The following TTN variants were observed in gnomAD, a reference collection of about 807,000 sequenced individuals.
TTN encodes titin, also known as connectin.
A neutral mutation model predicts 3,223.0 loss-of-function variants in TTN; 1,525 were observed. The observed-to-expected ratio is 0.47, with a 90% CI of 0.45 to 0.49. The LOEUF (loss-of-function observed/expected upper bound fraction) is 0.49, where lower values mean the gene tolerates loss of function less well. Ranked by LOEUF, TTN falls within the 20% of genes least tolerant of loss-of-function variation. TTN has a pLI of 0.00. For missense variants in TTN, 40,786 were observed against 43,424.0 expected, an observed-to-expected ratio of 0.94 and a Z score of 5.40; for synonymous variants, 14,094 against 15,161.0, an observed-to-expected ratio of 0.93 and a Z score of 5.17.
chr2:178,756,701 T>C lies in TTN; in HGVS notation c.10775A>G (p.Lys3592Arg). The C allele has an allele frequency of 1.9e-6, 3 of 1,613,862 alleles. No homozygotes were observed. The highest frequency in any genetic ancestry group is 2.5e-6 in the Non-Finnish European group (3 of 1,179,824). The change falls in exon 46 of 363, where the codon AAA becomes AGA. Residue 3592 changes from lysine to arginine, a missense_variant. Coordinates refer to ENST00000589042, the MANE Select transcript of TTN (RefSeq NM_001267550.2). Reference protein sequence around the residue: ...ADSSFTKEESKISQKEIKSFQ... With the variant: ...ADSSFTKEESRISQKEIKSFQ... The stretch of plus-strand genomic sequence containing the variant: ...TGACTTAATTTCCTTTTGAGATATT[T>C]TGCTCTCCTCCTTTGTGAAAGAGGA...
intron 81 of TTN, 42 bp downstream of exon 81, chr2:178,719,941 C>T: frequency 6.5e-7 from 1 of 1,548,992 alleles, no homozygotes; most frequent in Middle Eastern, 1.7e-4. Flanking sequence ...GATCATGGAT[C>T]AAGTAAATTG....
Position 178,711,888 on chromosome 2 carries a change from T to C in TTN, c.27886+56A>G, listed in dbSNP as rs544151780. On this transcript the variant is annotated intron_variant, in intron 96 of 362. Transcript: ENST00000589042. ...TAAAAAATAGGCCTCCCCAGACATTTTAAATCTTGTTCAAAAGAAACACAA... is the reference window on the plus strand; with the variant it reads ...TAAAAAATAGGCCTCCCCAGACATTCTAAATCTTGTTCAAAAGAAACACAA... 1.7e-3 allele frequency: 2,645 copies of C among 1,517,614 alleles called. 6 individuals carry two copies. Among genetic ancestry groups the C allele is most frequent in the Non-Finnish European group, 2.2e-3 (2,456 of 1,135,218 alleles). 94.0% of individuals were successfully genotyped at this position (1,517,614 alleles called of 1,614,324 possible).
intron 217 of TTN, 163 bp from the exon 218 acceptor site, chr2:178,644,779 T>A: frequency 1.9e-6 from 1 of 516,198 alleles, no homozygotes. Flanking sequence ...ATTCGAACCA[T>A]GAAAACAGAC....
chr2:178,585,912 G>A (rs2048843207), intron 308 of TTN, among the ~76,000 whole-genome samples: 1 of 152,062 alleles, frequency 6.6e-6, no homozygotes, highest in African/African-American at 2.4e-5. Context: ...ACATGTGCAT[G>A]TGTCTTTATA....
chr2:178,534,931 A>G lies in TTN; in HGVS notation c.101684T>C (p.Ile33895Thr), dbSNP rs1575286728. Residue 33895 changes from isoleucine (I) to threonine (T), a missense_variant, in exon 358 of 363, where the codon ATA (isoleucine) becomes ACA (threonine). By Grantham distance (89) the Ile-to-Thr change is moderately conservative. Coordinates refer to ENST00000589042, the MANE Select transcript of TTN (RefSeq NM_001267550.2). The part of the protein sequence containing the change: ...MEELVMIFEF[I>T]SGLDIFERIN... ...GCGCTCAAATATGTCAAGTCCTGAT[A>G]TAAACTCAAAGATCATAACTAATTC... 5 of 1,611,740 alleles carry G rather than the reference A, an allele frequency of 3.1e-6. No homozygotes were observed. Among genetic ancestry groups the G allele is most frequent in the East Asian group, 2.2e-5 (1 of 44,870 alleles).
At chr2:178,804,761 G>A (rs2094234446) in intron 1 of TTN, 106 bp from the exon 2 acceptor site, 1 of 988,090 alleles carries the variant, frequency 1.0e-6, no homozygotes, top group Non-Finnish European at 1.6e-6. Context: ...TTGCTCCATA[G>A]GTCATCTGTG....
In TTN at chr2:178,534,356, T is replaced by C; in HGVS notation, c.102259A>G (p.Thr34087Ala). The C allele has an allele frequency of 6.2e-7, 1 of 1,611,800 alleles. No individual in the cohort carries two copies. The highest frequency in any genetic ancestry group is 1.3e-5 in the African/African-American group (1 of 75,048). The change falls in exon 358 of 363, where the codon ACA becomes GCA. Residue 34087 changes from threonine to alanine, a missense_variant. By Grantham distance (58) the Thr-to-Ala change is moderately conservative (BLOSUM62 0). Coordinates refer to ENST00000589042, the MANE Select transcript of TTN (RefSeq NM_001267550.2). The stretch of plus-strand genomic sequence containing the variant: ...TGGTAATAACGCCGGTGTTTTAATG[T>C]TCTGATAACTTTAGTACTGACTCTT... ...IERVSTKVIR[T>A]LKHRRYYHTL...
At chr2:178,693,816 C>A (rs1317903577) in intron 118 of TTN, 106 bp downstream of exon 118, 1 of 1,233,016 alleles carries the variant, frequency 8.1e-7, no homozygotes, top group Non-Finnish European at 1.1e-6. Context: ...ACAGAATTTA[C>A]AAGGAGACAG....
intron 282 of TTN, 83 bp from the exon 283 acceptor site, chr2:178,602,673 A>T (rs2053755423): frequency 9.7e-7 from 1 of 1,034,210 alleles, no homozygotes; most frequent in Non-Finnish European, 1.3e-6. Flanking sequence ...ATGATCATAT[A>T]TTATTTTAAT....
chr2:178,745,457 G>A (rs2083311456), intron 47 of TTN: 2 of 1,493,266 alleles, frequency 1.3e-6, no homozygotes, highest in Non-Finnish European at 1.8e-6. Flanking sequence ...ATTTCTTTAG[G>A]GGTCTCCAAG....
chr2:178,620,163 T>G, intron 248 of TTN, 51 bp from the exon 249 acceptor site: 1 of 1,588,998 alleles, frequency 6.3e-7, no homozygotes, highest in East Asian at 2.2e-5. Flanking sequence ...GCCACTAAAT[T>G]GTCAAAAGTG....
Position 178,793,393 on chromosome 2 carries a change from C to T in TTN, c.1536+11G>A. 1 of 1,613,810 alleles carries T rather than the reference C, an allele frequency of 6.2e-7. No homozygotes were observed. Among genetic ancestry groups the T allele is most frequent in the African/African-American group, 1.3e-5 (1 of 75,008 alleles). On this transcript the variant is annotated intron_variant, in intron 9 of 362. Coordinates refer to ENST00000589042, the MANE Select transcript of TTN (RefSeq NM_001267550.2). ...AACCTCAGTGAATTTAAAATACAAA[C>T]CCATTTTCACCTGCTCATGAGTTAC...
At position 178,531,134 on chromosome 2, in the gene TTN, T is replaced by C. The variant is rs764804165; in HGVS notation, c.105481A>G (p.Thr35161Ala). 2 of 1,613,940 alleles carry C rather than the reference T, an allele frequency of 1.2e-6. No homozygotes were observed. The highest frequency in any genetic ancestry group is 2.2e-5 in the South Asian group (2 of 91,076). ...AGCACTTGTCCTTTACGCAGCCAGG[T>C]CACAGTTGGTACCGGCTCACCATCG... Reference protein sequence around the residue: ...DTDGEPVPTVTWLRKGQVLST... With the variant: ...DTDGEPVPTVAWLRKGQVLST... Residue 35161 changes from threonine (T) to alanine (A), a missense_variant, in exon 358 of 363, where the codon ACC (threonine) becomes GCC (alanine). Thr to Ala is a moderately conservative substitution (Grantham distance 58). Coordinates refer to ENST00000589042, the MANE Select transcript of TTN (RefSeq NM_001267550.2).
At chr2:178,670,339 A>C in intron 156 of TTN, 44 bp from the exon 157 acceptor site, 1 of 1,204,462 alleles carries the variant, frequency 8.3e-7, no homozygotes, top group Non-Finnish European at 1.1e-6. Flanking sequence ...TTAAATATAC[A>C]ATTTTTTAAC....
intron 111 of TTN, among the ~76,000 whole-genome samples, chr2:178,700,006 C>T (rs1489159963): frequency 2.6e-5 from 4 of 152,288 alleles, no homozygotes; most frequent in South Asian, 2.1e-4. Context: ...TGAGCCACCG[C>T]GCCAGGCCTC....
In TTN at chr2:178,539,102, C is replaced by G; in HGVS notation, c.98833G>C (p.Val32945Leu). The change falls in exon 353 of 363, where the codon GTC becomes CTC. Residue 32945 changes from valine to leucine, a missense_variant. Physicochemically the swap from Val to Leu is conservative, Grantham distance 32. Transcript: ENST00000589042. Reference sequence around the variant, plus strand: ...GTGATCTGAGTCTTGTTGTGTCTGACCCACTTGTCAGTGGATGTCTCTTTG... The same window carrying G: ...GTGATCTGAGTCTTGTTGTGTCTGAGCCACTTGTCAGTGGATGTCTCTTTG... ...ERKETSTDKW[V>L]RHNKTQITTT... 1 of 1,613,742 alleles carries G rather than the reference C, an allele frequency of 6.2e-7. No homozygotes were observed. Among genetic ancestry groups the G allele is most frequent in the Non-Finnish European group, 8.5e-7 (1 of 1,179,740 alleles).
chr2:178,539,886 G>A lies in TTN; in HGVS notation c.98179C>T (p.Pro32727Ser). ...RQGGVIRLTI[P>S]IKGKPFPICK... is the part of the protein sequence containing the mutation. Reference sequence around the variant, plus strand: ...ATTGGGAATGGTTTTCCTTTGATTGGTATGGTAAGTCTGATGACGCCACCT... The same window carrying A: ...ATTGGGAATGGTTTTCCTTTGATTGATATGGTAAGTCTGATGACGCCACCT... Residue 32727 changes from proline to serine, a missense_variant, in exon 352 of 363, where the codon CCA becomes TCA. Physicochemically the swap from Pro to Ser is moderately conservative, Grantham distance 74. Coordinates refer to ENST00000589042, the MANE Select transcript of TTN (RefSeq NM_001267550.2). 1 of 1,613,778 alleles carries A rather than the reference G, an allele frequency of 6.2e-7. No individual in the cohort carries two copies. Among genetic ancestry groups the A allele is most frequent in the Non-Finnish European group, 8.5e-7 (1 of 1,179,770 alleles).
rs1010541689 is a variant in TTN, at chr2:178,559,308, T to C, written c.86821+3A>G. Reference sequence around the variant, plus strand: ...GTAGAATTTCCTTATTCTTAAAACATACCTGTTATTTTTACTCCTTCCTTT... The same window carrying C: ...GTAGAATTTCCTTATTCTTAAAACACACCTGTTATTTTTACTCCTTCCTTT... On this transcript the variant is annotated splice_donor_region_variant and intron_variant, in intron 326 of 362. Coordinates refer to ENST00000589042, the MANE Select transcript of TTN (RefSeq NM_001267550.2). 7.6e-6 allele frequency: 12 copies of C among 1,581,552 alleles called. No homozygotes were observed. Among genetic ancestry groups the C allele is most frequent in the East Asian group, 6.7e-5 (3 of 44,500 alleles).
chr2:178,573,458 G>T lies in TTN; in HGVS notation c.72674C>A (p.Pro24225Gln). 6.6e-7 allele frequency: 1 copy of T among 1,513,356 alleles called. No individual in the cohort carries two copies. The highest frequency in any genetic ancestry group is 8.8e-7 in the Non-Finnish European group (1 of 1,134,478). 93.7% of individuals were successfully genotyped at this position (1,513,356 alleles called of 1,614,324 possible). ...AGTTGTCACTTCAGGGTTTTTGGGC[G>T]GATCAGGGGGTCCATAAGGATTCAC... is the stretch of plus-strand genomic sequence containing the variant. The part of the protein sequence containing the change: ...LAVNPYGPPD[P>Q]PKNPEVTTIT... Residue 24225 changes from proline (P) to glutamine (Q), a missense_variant, in exon 326 of 363, where the codon CCG (proline) becomes CAG (glutamine). Transcript: ENST00000589042.
Sources: allele counts gnomAD v4.1 joint callset (sites outside exome capture counted in the v4.1 genomes callset), GRCh38; gene constraint gnomAD v4.1.1; transcripts MANE v1.5; gene names NCBI Gene and HGNC (gene_info 2026-07-23, HGNC 2026-07-21).